The following KIAA0825 variants were observed in gnomAD, a reference collection of about 807,000 sequenced individuals.
The protein encoded by KIAA0825 is uncharacterized protein KIAA0825.
Under a neutral mutation model 147.6 loss-of-function variants are expected in KIAA0825, and 119 were observed. The observed-to-expected ratio is 0.81, with a 90% CI of 0.69 to 0.94. KIAA0825 has a LOEUF of 0.94. Ranked by LOEUF, KIAA0825 falls within the 40% of genes least tolerant of loss-of-function variation. KIAA0825 has a pLI of 0.00. For synonymous variants in KIAA0825, 470 were observed against 518.1 expected, an observed-to-expected ratio of 0.91 and a Z score of 1.26; for missense variants, 1,381 against 1,472.7, an observed-to-expected ratio of 0.94 and a Z score of 1.02.
chr5:94,588,563 A>G (rs1048730441), intron 1 of KIAA0825, among the ~76,000 whole-genome samples: 1 of 152,234 alleles, frequency 6.6e-6, no homozygotes, highest in Admixed American at 6.5e-5. Flanking sequence ...GATGTGGAGA[A>G]ATAGGAATGC....
At chr5:94,358,361 A>G (rs1380273639) in intron 20 of KIAA0825, among the ~76,000 whole-genome samples, 2 of 152,222 alleles carry the variant, frequency 1.3e-5, no homozygotes, top group Non-Finnish European at 2.9e-5. Flanking sequence ...GTCTGTGGCT[A>G]AAACAGTCTA....
At chr5:94,366,251 C>T (rs938981834) in intron 20 of KIAA0825, among the ~76,000 whole-genome samples, 2 of 152,230 alleles carry the variant, frequency 1.3e-5, no homozygotes, top group Non-Finnish European at 2.9e-5. Context: ...TAAATCAGCT[C>T]TATCTAGGCA....
chr5:94,156,336 A>G (rs1465704195), intron 20 of KIAA0825, among the ~76,000 whole-genome samples: 1 of 152,248 alleles, frequency 6.6e-6, no homozygotes, highest in Non-Finnish European at 1.5e-5. Flanking sequence ...ATATTGCCCA[A>G]ATTGTGCTAG....
In KIAA0825 at chr5:94,334,858, C is replaced by G. The variant is rs1483651865; in HGVS notation, c.3710+49510G>C. ...CTCCATTTGGTGAGATCTTCAAACT[C>G]AGAAGAGCAACATGCTTTAATTTTG... On this transcript the variant is annotated intron_variant, in intron 20 of 20. Coordinates refer to ENST00000682413, the MANE Select transcript of KIAA0825 (RefSeq NM_001145678.3). Among the ~76,000 whole-genome samples the G allele has an allele frequency of 2.0e-5, 3 of 152,138 alleles. No homozygotes were observed. The East Asian group carries it at 5.8e-4, about 29-fold the overall frequency.
At chr5:94,207,234 A>C (rs1297528857) in intron 20 of KIAA0825, among the ~76,000 whole-genome samples, 1 of 152,238 alleles carries the variant, frequency 6.6e-6, no homozygotes, top group Non-Finnish European at 1.5e-5. Flanking sequence ...TGAGATGTCT[A>C]CTAAACAGTG....
At chr5:94,287,232 G>C (rs1171769226) in intron 20 of KIAA0825, among the ~76,000 whole-genome samples, 1 of 152,140 alleles carries the variant, frequency 6.6e-6, no homozygotes, top group African/African-American at 2.4e-5. Flanking sequence ...ATGTGGATCA[G>C]TCTTCCGACT....
At chr5:94,592,760 G>C (rs1379422229) in intron 1 of KIAA0825, 1 of 340,834 alleles carries the variant, frequency 2.9e-6, no homozygotes, top group Non-Finnish European at 5.7e-6. Context: ...AAGAAAATTT[G>C]TGATGTAAAT....
chr5:94,383,761 T>G (rs1246382705), intron 20 of KIAA0825, among the ~76,000 whole-genome samples: 1 of 151,746 alleles, frequency 6.6e-6, no homozygotes, highest in African/African-American at 2.4e-5. Flanking sequence ...TGAAATCATA[T>G]TATCATTTCA....
chr5:94,356,383 G>A (rs1007157778), intron 20 of KIAA0825, among the ~76,000 whole-genome samples: 8 of 151,764 alleles, frequency 5.3e-5, no homozygotes, highest in Middle Eastern at 6.4e-3. Context: ...CGAAGTGGGC[G>A]GATCACGAGG....
intron 7 of KIAA0825, among the ~76,000 whole-genome samples, chr5:94,476,041 C>T (rs185408716): frequency 9.2e-5 from 14 of 152,248 alleles, no homozygotes; most frequent in Admixed American, 9.2e-4. Context: ...TGTTGAATCT[C>T]TATTTCTATT....
At chr5:94,566,446 T>C (rs1397735683) in intron 2 of KIAA0825, among the ~76,000 whole-genome samples, 1 of 152,138 alleles carries the variant, frequency 6.6e-6, no homozygotes, top group Non-Finnish European at 1.5e-5. Flanking sequence ...ACAAACTAAT[T>C]ACATTGAAAC....
chr5:94,494,882 A>G (rs1764175715), intron 5 of KIAA0825, among the ~76,000 whole-genome samples: 1 of 152,210 alleles, frequency 6.6e-6, no homozygotes, highest in Non-Finnish European at 1.5e-5. Flanking sequence ...ATCAGCTCTC[A>G]ATATAACATG....
At chr5:94,444,842 A>G (rs1005111647) in intron 13 of KIAA0825, among the ~76,000 whole-genome samples, 1 of 152,130 alleles carries the variant, frequency 6.6e-6, no homozygotes, top group Admixed American at 6.6e-5. Context: ...TTAGGGCCAT[A>G]GAAGACATTC....
chr5:94,494,949 A>G (rs1200517166), intron 5 of KIAA0825, among the ~76,000 whole-genome samples: 5 of 152,244 alleles, frequency 3.3e-5, no homozygotes, highest in African/African-American at 1.2e-4. Context: ...ATCATCAAAA[A>G]GATGGATTTC....
At chr5:94,410,699 A>T (rs552696853) in intron 15 of KIAA0825, among the ~76,000 whole-genome samples, 46 of 152,334 alleles carry the variant, frequency 3.0e-4, no homozygotes, top group African/African-American at 1.1e-3. Flanking sequence ...ACATCTTTAC[A>T]GTGCTAAAGG....
chr5:94,256,678 G>A (rs1200911705), intron 20 of KIAA0825, among the ~76,000 whole-genome samples: 1 of 152,072 alleles, frequency 6.6e-6, no homozygotes, highest in African/African-American at 2.4e-5. Context: ...GAAATGTACT[G>A]AACACCCAAT....
chr5:94,396,010 T>C lies in KIAA0825; in HGVS notation c.3296+91A>G, dbSNP rs149324703. ...CATGAATTTAGCAAAATACTACTGC[T>C]GCCCATCTGACAATATATTGTCATT... On this transcript the variant is annotated intron_variant, in intron 17 of 20. Transcript: ENST00000682413. 8.4e-5 allele frequency: 100 copies of C among 1,193,496 alleles called. No individual in the cohort carries two copies. The East Asian group carries it at 1.7e-3, about 20-fold the overall frequency. The allele number at this position is 1,193,496 out of a possible 1,614,324, so 73.9% of individuals were successfully genotyped here. A position where few individuals can be genotyped will look rare whatever the true frequency, so the allele number is the denominator to read the frequency against.
chr5:94,601,086 A>C (rs1786342542), intron 1 of KIAA0825, among the ~76,000 whole-genome samples: 1 of 152,154 alleles, frequency 6.6e-6, no homozygotes, highest in Admixed American at 6.5e-5. Context: ...GCTCTACTAA[A>C]GTAGAGCAGA....
At chr5:94,598,371 T>G (rs1319527000) in intron 1 of KIAA0825, among the ~76,000 whole-genome samples, 1 of 152,118 alleles carries the variant, frequency 6.6e-6, no homozygotes, top group Non-Finnish European at 1.5e-5. Context: ...TTTGTCTCCC[T>G]GGAAGGTTTT....
Sources: allele counts gnomAD v4.1 joint callset (sites outside exome capture counted in the v4.1 genomes callset), GRCh38; gene constraint gnomAD v4.1.1; transcripts MANE v1.5; gene names NCBI Gene and HGNC (gene_info 2026-07-23, HGNC 2026-07-21).